The following BANK1 variants were observed in gnomAD, a reference collection of about 807,000 sequenced individuals.
BANK1 encodes B-cell scaffold protein with ankyrin repeats.
In BANK1, 95 loss-of-function variants were observed where a neutral mutation model predicts 94.5. The ratio of observed to expected loss-of-function variants is 1.00; its 90% CI spans 0.85 to 1.19. BANK1 has a LOEUF of 1.19. Ranked by LOEUF, BANK1 falls within the 50% of genes most tolerant of loss-of-function variation. The pLI, the probability that BANK1 is intolerant of heterozygous loss-of-function variation, is 0.00. For missense variants in BANK1, 987 were observed against 932.2 expected (o/e 1.06, Z -0.77); for synonymous variants, 334 against 308.4 (o/e 1.08, Z -0.87).
chr4:101,859,479 G>C (rs1328186527), intron 3 of BANK1, among the ~76,000 whole-genome samples: 1 of 152,162 alleles, frequency 6.6e-6, no homozygotes, highest in South Asian at 2.1e-4. Context: ...AGTGATAATT[G>C]TCATAAACCT....
At chr4:101,796,480 C>T (rs1725160319) in intron 1 of BANK1, among the ~76,000 whole-genome samples, 1 of 152,084 alleles carries the variant, frequency 6.6e-6, no homozygotes, top group Non-Finnish European at 1.5e-5. Context: ...AAATCTGTTC[C>T]TTTCATGCAC....
At chr4:101,894,734 T>A (rs993769611) in intron 5 of BANK1, among the ~76,000 whole-genome samples, 1 of 151,956 alleles carries the variant, frequency 6.6e-6, no homozygotes, top group Non-Finnish European at 1.5e-5. Flanking sequence ...AACACTTGAA[T>A]ACTGGATGGC....
intron 2 of BANK1, among the ~76,000 whole-genome samples, chr4:101,840,383 C>T (rs1727000422): frequency 6.6e-6 from 1 of 151,894 alleles, no homozygotes; most frequent in South Asian, 2.1e-4. Flanking sequence ...GGGAACAGGC[C>T]CCCCAAAATC....
At chr4:101,846,198 G>A (rs1028453701) in intron 2 of BANK1, among the ~76,000 whole-genome samples, 2 of 152,104 alleles carry the variant, frequency 1.3e-5, no homozygotes, top group Admixed American at 6.6e-5. Context: ...ATGATAGACT[G>A]GATTAAGAAA....
At chr4:101,930,080 G>A (rs1161295285) in intron 7 of BANK1, among the ~76,000 whole-genome samples, 2 of 150,940 alleles carry the variant, frequency 1.3e-5, no homozygotes, top group African/African-American at 4.9e-5. Context: ...AATTTGATGA[G>A]AACATATCAG....
chr4:101,813,056 C>A (rs1725777573), intron 1 of BANK1, among the ~76,000 whole-genome samples: 1 of 151,782 alleles, frequency 6.6e-6, no homozygotes, highest in African/African-American at 2.4e-5. Flanking sequence ...TTATAAACAC[C>A]CCCCTGAATC....
chr4:102,031,680 A>C (rs552245813), intron 10 of BANK1, among the ~76,000 whole-genome samples: 7 of 152,306 alleles, frequency 4.6e-5, no homozygotes, highest in African/African-American at 1.4e-4. Context: ...CTTCCTTCCT[A>C]ATTCTATAAG....
intron 11 of BANK1, among the ~76,000 whole-genome samples, chr4:102,054,487 C>T (rs548146368): frequency 6.6e-6 from 1 of 152,038 alleles, no homozygotes; most frequent in Non-Finnish European, 1.5e-5. Context: ...CCTCATCTAC[C>T]TGGCTCCAAA....
intron 2 of BANK1, among the ~76,000 whole-genome samples, chr4:101,837,906 C>T (rs1380427316): frequency 2.1e-5 from 3 of 143,168 alleles, no homozygotes; most frequent in Non-Finnish European, 4.5e-5. Flanking sequence ...CTCCCTCTCC[C>T]CCTTCTCTCT....
chr4:101,892,091 ATTTTAT>A (rs1235128323), intron 5 of BANK1, among the ~76,000 whole-genome samples: 1 of 151,772 alleles, frequency 6.6e-6, no homozygotes, highest in Non-Finnish European at 1.5e-5. Context: ...AAAGTTGGAC[ATTTTAT>A]TTGTATTTAG....
chr4:101,879,796 A>T (rs1377085124), intron 5 of BANK1, among the ~76,000 whole-genome samples: 1 of 152,100 alleles, frequency 6.6e-6, no homozygotes, highest in Non-Finnish European at 1.5e-5. Context: ...ATATGCAAAT[A>T]AACCAATGTG....
intron 7 of BANK1, among the ~76,000 whole-genome samples, chr4:102,007,052 T>TTA (rs1472436640): frequency 7.9e-6 from 1 of 126,234 alleles, no homozygotes; most frequent in Non-Finnish European, 1.7e-5. Flanking sequence ...TATATATATA[T>TTA]ATAAAATATA....
At chr4:102,008,156 CTTAGA>C (rs1726367393) in intron 7 of BANK1, among the ~76,000 whole-genome samples, 2 of 152,120 alleles carry the variant, frequency 1.3e-5, no homozygotes, top group Non-Finnish European at 2.9e-5. Flanking sequence ...GAGATGTGGA[CTTAGA>C]TTAGAGACAT....
intron 6 of BANK1, among the ~76,000 whole-genome samples, chr4:101,899,344 G>T (rs1284757730): frequency 6.6e-6 from 1 of 151,996 alleles, no homozygotes; most frequent in Non-Finnish European, 1.5e-5. Flanking sequence ...TGGAGATTTG[G>T]CATGTAAATT....
chr4:101,934,906 A>G (rs1723478474), intron 7 of BANK1, among the ~76,000 whole-genome samples: 1 of 151,538 alleles, frequency 6.6e-6, no homozygotes, highest in Non-Finnish European at 1.5e-5. Flanking sequence ...TCACAGCAGT[A>G]CCATGGCTAA....
At chr4:101,990,299 TTTATGA>T (rs1475784714) in intron 7 of BANK1, among the ~76,000 whole-genome samples, 1 of 152,190 alleles carries the variant, frequency 6.6e-6, no homozygotes, top group Non-Finnish European at 1.5e-5. Context: ...CATGAATGAC[TTTATGA>T]TTATACATTT....
chr4:102,050,065 T>C (rs1057300364), intron 11 of BANK1, among the ~76,000 whole-genome samples: 1 of 152,240 alleles, frequency 6.6e-6, no homozygotes, highest in African/African-American at 2.4e-5. Context: ...ATGTCAAGTG[T>C]TGAACAGTGC....
intron 6 of BANK1, among the ~76,000 whole-genome samples, chr4:101,898,394 C>A (rs1013604200): frequency 1.3e-5 from 2 of 151,996 alleles, no homozygotes; most frequent in African/African-American, 2.4e-5. Flanking sequence ...TAGAGGCATT[C>A]TGAGAGGTGA....
intron 6 of BANK1, among the ~76,000 whole-genome samples, chr4:101,904,796 A>G (rs1398107794): frequency 1.3e-5 from 2 of 152,284 alleles, no homozygotes; most frequent in African/African-American, 4.8e-5. Context: ...AAATATAACT[A>G]CTTTGATATA....
Sources: gnomAD v4.1 joint callset for allele counts (sites outside exome capture counted in the v4.1 genomes callset) on GRCh38, gnomAD v4.1.1 for gene constraint, MANE v1.5 for transcripts, NCBI Gene and HGNC (gene_info 2026-07-23, HGNC 2026-07-21) for gene names.